Variants in ADORA2A observed in about 807,000 individuals in gnomAD.
The protein encoded by ADORA2A is adenosine receptor A2a.
In ADORA2A, 11 loss-of-function variants were observed where a neutral mutation model predicts 18.4. The observed-to-expected ratio is 0.60, with a 90% CI of 0.38 to 0.99. ADORA2A has a LOEUF of 0.99. Among genes scored for constraint, ADORA2A ranks in the 50% least tolerant of loss-of-function variants. The probability of loss-of-function intolerance (pLI) is 0.01; values close to 1 mark genes in which losing one functional copy is unlikely to be tolerated. For missense variants in ADORA2A, 449 were observed against 556.1 expected, an observed-to-expected ratio of 0.81 and a Z score of 1.94; for synonymous variants, 218 against 237.3, an observed-to-expected ratio of 0.92 and a Z score of 0.75.
chr22:24,436,920 C>T (rs1345173361), intron 2 of ADORA2A, among the ~76,000 whole-genome samples: 2 of 151,978 alleles, frequency 1.3e-5, no homozygotes, highest in African/African-American at 4.8e-5. Flanking sequence ...GGCCTGGCTG[C>T]CTAGTGACAG....
rs146232387 is a variant in ADORA2A at position 24,433,554 on chromosome 22, G to A, written c.150G>A (p.Ala50=). The A allele has an allele frequency of 5.6e-5, 90 of 1,613,988 alleles. No homozygotes were observed. The Middle Eastern group carries it at 6.6e-4, about 12-fold the overall frequency. Residue 50 remains alanine (A), a synonymous_variant, in exon 2 of 3, where the codon GCG becomes GCA. Transcript: ENST00000337539. ...ACTACTTTGTGGTGTCACTGGCGGC[G>A]GCCGACATCGCAGTGGGTGTGCTCG... ...VTNYFVVSLA[A]ADIAVGVLAI...
rs202009368 is a variant in ADORA2A at position 24,441,567 on chromosome 22, A to G, written c.*78A>G. 6.6e-5 allele frequency: 92 copies of G among 1,384,116 alleles called. 1 individual carries two copies. The South Asian group carries it at 1.1e-3, about 17-fold the overall frequency. The allele number at this position is 1,384,116 out of a possible 1,614,324, so 85.7% of individuals were successfully genotyped here. A position where few individuals can be genotyped will look rare whatever the true frequency, so the allele number is the denominator to read the frequency against. On this transcript the variant is annotated 3_prime_UTR_variant, in exon 3 of 3. Coordinates refer to ENST00000337539, the MANE Select transcript of ADORA2A (RefSeq NM_000675.6). Reference sequence around the variant, plus strand: ...TTGGCTTGACCAGTCACGTTGGGAGAAGAGAGAGAGTGCCAGGAGACCCTG... The same window carrying G: ...TTGGCTTGACCAGTCACGTTGGGAGGAGAGAGAGAGTGCCAGGAGACCCTG...
intron 2 of ADORA2A, chr22:24,439,445 T>G (rs2043275475): frequency 6.6e-6 from 1 of 151,966 alleles, no homozygotes; most frequent in Non-Finnish European, 1.5e-5. Context: ...GGGGCCCAGA[T>G]GTGGTGGGGA....
rs146452856 is a variant in ADORA2A, at chr22:24,440,641, C to T, written c.391C>T (p.Leu131=). The T allele has an allele frequency of 1.1e-4, 184 of 1,603,662 alleles. No homozygotes were observed. Among genetic ancestry groups the T allele is most frequent in the Non-Finnish European group, 1.4e-4 (168 of 1,173,162 alleles). ...AKGIIAICWV[L]SFAIGLTPML... ...GGGCATCATTGCCATCTGCTGGGTG[C>T]TGTCGTTTGCCATCGGCCTGACTCC... Residue 131 remains leucine (L), a synonymous_variant, in exon 3 of 3, where the codon CTG becomes TTG. Coordinates refer to ENST00000337539, the MANE Select transcript of ADORA2A (RefSeq NM_000675.6).
At chr22:24,424,751 C>G (rs559259866), upstream of ADORA2A, among the ~76,000 whole-genome samples, 1 of 152,264 alleles carries the variant, frequency 6.6e-6, no homozygotes, top group South Asian at 2.1e-4. This position sits in a 1 kb window ranked among gnomAD's most constrained non-coding sequence, Gnocchi z 4.9. Flanking sequence ...TCTGGCTGCC[C>G]GGAGCGGAGG....
At chr22:24,439,631 T>A (rs1432136716) in intron 2 of ADORA2A, 3 of 152,134 alleles carry the variant, frequency 2.0e-5, no homozygotes, top group Admixed American at 1.3e-4. Flanking sequence ...GGGAGACTTT[T>A]TTTTTTTATT....
chr22:24,440,900 C>G lies in ADORA2A; in HGVS notation c.650C>G (p.Pro217Arg), dbSNP rs199725333. The G allele has an allele frequency of 1.2e-6, 2 of 1,614,148 alleles. No individual in the cohort carries two copies. The highest frequency in any genetic ancestry group is 4.5e-5 in the East Asian group (2 of 44,880). Residue 217 changes from proline (P) to arginine (R), a missense_variant, in exon 3 of 3, where the codon CCG becomes CGG. Physicochemically the swap from Pro to Arg is moderately radical, Grantham distance 103 (BLOSUM62 -2). Coordinates refer to ENST00000337539, the MANE Select transcript of ADORA2A (RefSeq NM_000675.6). Reference protein sequence around the residue: ...QLKQMESQPLPGERARSTLQK... With the variant: ...QLKQMESQPLRGERARSTLQK... The stretch of plus-strand genomic sequence containing the variant: ...AAGCAGATGGAGAGCCAGCCTCTGC[C>G]GGGGGAGCGGGCACGGTCCACACTG...
intron 1 of ADORA2A, chr22:24,431,213 C>T (rs980107330): frequency 2.2e-6 from 1 of 456,634 alleles, no homozygotes; most frequent in African/African-American, 2.0e-5. Flanking sequence ...AGGACTCGGC[C>T]CTCTCCAGCT....
At chr22:24,435,452 G>C (rs1370418142) in intron 2 of ADORA2A, among the ~76,000 whole-genome samples, 1 of 152,214 alleles carries the variant, frequency 6.6e-6, no homozygotes, top group Non-Finnish European at 1.5e-5. Flanking sequence ...GTATGATCAG[G>C]GCTGCCGTTC....
chr22:24,428,505 G>A lies in ADORA2A; in HGVS notation c.-275+759G>A, dbSNP rs1312203779. ...TTCTTGTTCATATCCACCTGTCCTT[G>A]TTTCATTTCCGCCAGTCGGTTCAGA... On this transcript the variant is annotated intron_variant, in intron 1 of 2. Transcript: ENST00000337539. Among the ~76,000 whole-genome samples, 3 of 152,162 alleles carry A rather than the reference G, an allele frequency of 2.0e-5. No individual in the cohort carries two copies. The East Asian group carries it at 5.8e-4, about 29-fold the overall frequency.
intron 2 of ADORA2A, among the ~76,000 whole-genome samples, chr22:24,440,156 AGGT>A (rs1413573672): frequency 6.6e-6 from 1 of 152,198 alleles, no homozygotes. Flanking sequence ...ACCAACATGG[AGGT>A]GACTGATCTT....
At chr22:24,425,337 A>AGGGGGGGCCCCCCCC, upstream of ADORA2A, among the ~76,000 whole-genome samples, 2 of 82,358 alleles carry the variant, frequency 2.4e-5, no homozygotes, top group Non-Finnish European at 2.3e-5. Context: ...TGTGGGCAGC[A>AGGGGGGGCCCCCCCC]CCCCCCCCCC....
At chr22:24,428,427 C>T (rs2042952554) in intron 1 of ADORA2A, among the ~76,000 whole-genome samples, 1 of 152,242 alleles carries the variant, frequency 6.6e-6, no homozygotes. Context: ...CTGAAGCTCA[C>T]CACATCCCTT....
chr22:24,426,999 G>A (rs1032933451), upstream of ADORA2A, among the ~76,000 whole-genome samples: 1 of 152,168 alleles, frequency 6.6e-6, no homozygotes, highest in Admixed American at 6.5e-5. Flanking sequence ...CCCACTCCTC[G>A]GATGTGCCGC....
At chr22:24,429,122 G>A (rs1301667125) in intron 1 of ADORA2A, 1 of 152,370 alleles carries the variant, frequency 6.6e-6, no homozygotes, top group East Asian at 1.9e-4. Flanking sequence ...CGTGCAGCAG[G>A]CTCTGGGGGG....
upstream of ADORA2A, among the ~76,000 whole-genome samples, chr22:24,427,195 T>G (rs2042927730): frequency 6.6e-6 from 1 of 152,132 alleles, no homozygotes; most frequent in African/African-American, 2.4e-5. Context: ...CTCAGTGGCC[T>G]CTGCAAACCC....
chr22:24,437,378 G>C (rs538331535), intron 2 of ADORA2A, among the ~76,000 whole-genome samples: 1 of 152,352 alleles, frequency 6.6e-6, no homozygotes, highest in South Asian at 2.1e-4. Flanking sequence ...ATGTGAGTGT[G>C]TTGGTCACAG....
intron 2 of ADORA2A, chr22:24,438,358 T>C (rs868608620): frequency 6.6e-6 from 1 of 152,254 alleles, no homozygotes; most frequent in African/African-American, 2.4e-5. Flanking sequence ...AAAATTAATA[T>C]AGCTTCCCAG....
chr22:24,437,026 C>T (rs762955622), intron 2 of ADORA2A, among the ~76,000 whole-genome samples: 3 of 152,170 alleles, frequency 2.0e-5, no homozygotes, highest in Non-Finnish European at 4.4e-5. Context: ...GTCCATGGCT[C>T]TTCAATTCTT....
Sources: gnomAD v4.1 joint callset for allele counts (sites outside exome capture counted in the v4.1 genomes callset) on GRCh38, gnomAD v4.1.1 for gene constraint, Gnocchi (gnomAD v3.1) non-coding constraint, MANE v1.5 for transcripts, NCBI Gene and HGNC (gene_info 2026-07-23, HGNC 2026-07-21) for gene names.